KNTC1: variants seen among roughly 807,000 people sequenced by gnomAD.
The protein encoded by KNTC1 is kinetochore associated 1.
Under a neutral mutation model 314.4 loss-of-function variants are expected in KNTC1, and 253 were observed. The ratio of observed to expected loss-of-function variants is 0.80; its 90% CI spans 0.73 to 0.89. The LOEUF is 0.89. Ranked by LOEUF, KNTC1 falls within the 40% of genes least tolerant of loss-of-function variation. The pLI is 0.00. For synonymous variants in KNTC1, 901 were observed against 901.4 expected, an observed-to-expected ratio of 1.00 and a Z score of 0.01; for missense variants, 2,475 against 2,572.9, an observed-to-expected ratio of 0.96 and a Z score of 0.82.
Position 122,580,526 on chromosome 12 carries a change from T to G in KNTC1, c.2915-77T>G. 7 of 879,796 alleles carry G rather than the reference T, an allele frequency of 8.0e-6. No homozygotes were observed. The South Asian group carries it at 9.6e-5, about 12-fold the overall frequency. 54.5% of individuals were successfully genotyped at this position (879,796 alleles called of 1,614,324 possible). ...TTGAGATGAGAGAACCAAAGCTAAT[T>G]AAAATTTCTTCTTTTTAAAATTCTG... On this transcript the variant is annotated intron_variant, in intron 32 of 63. Transcript: ENST00000333479.
intron 56 of KNTC1, 29 bp downstream of exon 56, chr12:122,615,115 G>A (rs1387126071): frequency 6.7e-7 from 1 of 1,497,030 alleles, no homozygotes; most frequent in Non-Finnish European, 9.2e-7. Flanking sequence ...CCTCGACTAA[G>A]TATATTTGAA....
intron 47 of KNTC1, 24 bp from the exon 48 acceptor site, chr12:122,603,003 C>T: frequency 6.2e-7 from 1 of 1,600,434 alleles, no homozygotes; most frequent in East Asian, 2.2e-5. Flanking sequence ...TGTGCTTCAG[C>T]CATAACCTTC....
At chr12:122,541,192 CA>C (rs1215714683) in intron 5 of KNTC1, among the ~76,000 whole-genome samples, 3 of 149,630 alleles carry the variant, frequency 2.0e-5, no homozygotes, top group Non-Finnish European at 4.5e-5. Context: ...GTCTCAAAAA[CA>C]AAAAACAAAA....
intron 48 of KNTC1, among the ~76,000 whole-genome samples, chr12:122,604,296 G>A (rs2138123147): frequency 6.6e-6 from 1 of 150,732 alleles, no homozygotes. Context: ...ACAGGCATGT[G>A]CCACCATGCC....
At position 122,622,469 on chromosome 12, in the gene KNTC1, G is replaced by A. The variant is rs1234108799; in HGVS notation, c.6377G>A (p.Ser2126Asn). 1 of 1,574,094 alleles carries A rather than the reference G, an allele frequency of 6.4e-7. No individual in the cohort carries two copies. Among genetic ancestry groups the A allele is most frequent in the East Asian group, 2.3e-5 (1 of 44,324 alleles). ...QLAGFSHQIR[S>N]LILNNIINKK... ...ATACCTGTCATTCTATAGATTAGAAGTCTGATTTTGAATAATATCATCAAT... is the reference window on the plus strand; with the variant it reads ...ATACCTGTCATTCTATAGATTAGAAATCTGATTTTGAATAATATCATCAAT... Residue 2126 changes from serine to asparagine, a missense_variant, in exon 62 of 64, where the codon AGT becomes AAT. Physicochemically the swap from Ser to Asn is conservative, Grantham distance 46. Transcript: ENST00000333479.
intron 53 of KNTC1, 111 bp from the exon 54 acceptor site, chr12:122,613,001 T>A: frequency 1.4e-6 from 1 of 690,764 alleles, no homozygotes; most frequent in African/African-American, 1.8e-5. Flanking sequence ...CTGTAGAGAT[T>A]GACTTTACAT....
intron 20 of KNTC1, among the ~76,000 whole-genome samples, chr12:122,565,541 A>C (rs1247294374): frequency 6.6e-6 from 1 of 151,542 alleles, no homozygotes; most frequent in Non-Finnish European, 1.5e-5. Flanking sequence ...AAAAATTCAG[A>C]AGTTTGTATT....
rs59119964 is a variant in KNTC1 at position 122,595,632 on chromosome 12, C to T, written c.4355+1247C>T. 6.3e-3 allele frequency among the ~76,000 whole-genome samples: 954 copies of T among 152,120 alleles called. 14 individuals are homozygous for T. Among genetic ancestry groups the T allele is most frequent in the African/African-American group, 0.022 (913 of 41,468 alleles). On this transcript the variant is annotated intron_variant, in intron 43 of 63. Coordinates refer to ENST00000333479, the MANE Select transcript of KNTC1 (RefSeq NM_014708.6). ...CAAGGACTATAGGCTGCGCATAGCT[C>T]GAAGGAGCACTGACTTAAAAGAGTA...
chr12:122,591,601 C>G, intron 42 of KNTC1, 148 bp downstream of exon 42: 3 of 543,218 alleles, frequency 5.5e-6, no homozygotes, highest in Non-Finnish European at 6.5e-6. Context: ...TAGGTGCTTT[C>G]AAAGAAATAA....
rs187990410 is a variant in KNTC1, at chr12:122,571,678, A to T, written c.2019+552A>T. Among the ~76,000 whole-genome samples, 204 of 150,020 alleles carry T rather than the reference A, an allele frequency of 1.4e-3. 1 individual carries two copies. The East Asian group carries it at 0.031, about 23-fold the overall frequency. ...CCAGCCCTCTCAACCTATTATTATT[A>T]TTTTTTTTTGAGATGGAGTCTCACC... On this transcript the variant is annotated intron_variant, in intron 24 of 63. Transcript: ENST00000333479.
At chr12:122,605,477 G>A in intron 51 of KNTC1, 62 bp downstream of exon 51, 1 of 773,240 alleles carries the variant, frequency 1.3e-6, no homozygotes, top group South Asian at 1.7e-5. Context: ...TCTTCTCAAA[G>A]GCTAAATATT....
rs371126782 is a variant in KNTC1, at chr12:122,551,739, G to A, written c.1272+43G>A. 206 of 1,407,914 alleles carry A rather than the reference G, an allele frequency of 1.5e-4. 1 individual carries two copies. The African/African-American group carries it at 1.5e-3, about 10-fold the overall frequency. The allele number at this position is 1,407,914 out of a possible 1,614,324, so 87.2% of individuals were successfully genotyped here. A position where few individuals can be genotyped will look rare whatever the true frequency, so the allele number is the denominator to read the frequency against. On this transcript the variant is annotated intron_variant, in intron 16 of 63. Transcript: ENST00000333479. ...CATTTGTTCACCAAACAAGCATTTC[G>A]TCATGGGCTAGAGGCTGAGAGGACA...
chr12:122,544,802 A>G (rs1962637671), intron 8 of KNTC1, among the ~76,000 whole-genome samples: 1 of 152,144 alleles, frequency 6.6e-6, no homozygotes, highest in African/African-American at 2.4e-5. Flanking sequence ...AAAGATGTAA[A>G]TTTTTTGCCC....
chr12:122,533,498 C>T (rs1961543219), intron 2 of KNTC1, among the ~76,000 whole-genome samples: 1 of 152,042 alleles, frequency 6.6e-6, no homozygotes, highest in South Asian at 2.1e-4. Flanking sequence ...AGTTCTAGAC[C>T]AGCCTGGCCA....
intron 20 of KNTC1, among the ~76,000 whole-genome samples, chr12:122,567,143 G>A (rs1008000076): frequency 6.6e-5 from 10 of 151,636 alleles, no homozygotes; most frequent in Non-Finnish European, 1.3e-4. Context: ...ACATGATCTC[G>A]GCTCACTGCA....
At chr12:122,610,636 T>G (rs2138149323) in intron 52 of KNTC1, among the ~76,000 whole-genome samples, 186 bp from the exon 53 acceptor site, 1 of 152,330 alleles carries the variant, frequency 6.6e-6, no homozygotes, top group South Asian at 2.1e-4. Flanking sequence ...TCTTTAGCAA[T>G]GAAAGAACTC....
chr12:122,557,305 C>T, intron 16 of KNTC1, 79 bp from the exon 17 acceptor site: 1 of 1,392,916 alleles, frequency 7.2e-7, no homozygotes, highest in South Asian at 1.4e-5. Flanking sequence ...GTTTGTTTCA[C>T]TCAGCTTACT....
intron 18 of KNTC1, among the ~76,000 whole-genome samples, chr12:122,560,923 G>A (rs959107169): frequency 6.6e-6 from 1 of 152,178 alleles, no homozygotes; most frequent in Non-Finnish European, 1.5e-5. Context: ...AAGCACAGTG[G>A]CTGTAATCCC....
Position 122,557,478 on chromosome 12 carries a change from A to G in KNTC1, c.1367A>G (p.Asp456Gly), listed in dbSNP as rs1396170347. The G allele has an allele frequency of 6.2e-6, 10 of 1,613,886 alleles. No homozygotes were observed. The highest frequency in any genetic ancestry group is 5.1e-6 in the Non-Finnish European group (6 of 1,179,826). ...SEQTEWQQLV[D>G]DAKENLHKIQ... is the part of the protein sequence containing the mutation. Reference sequence around the variant, plus strand: ...CAGACCGAATGGCAACAACTTGTAGACGACGCTAAGGAAAATCTACATAAG... The same window carrying G: ...CAGACCGAATGGCAACAACTTGTAGGCGACGCTAAGGAAAATCTACATAAG... The change falls in exon 17 of 64, where the codon GAC becomes GGC. Residue 456 changes from aspartate to glycine, a missense_variant. By Grantham distance (94) the Asp-to-Gly change is moderately conservative. Coordinates refer to ENST00000333479, the MANE Select transcript of KNTC1 (RefSeq NM_014708.6).
Sources: gnomAD v4.1 joint callset for allele counts (sites outside exome capture counted in the v4.1 genomes callset) on GRCh38, gnomAD v4.1.1 for gene constraint, MANE v1.5 for transcripts, NCBI Gene and HGNC (gene_info 2026-07-23, HGNC 2026-07-21) for gene names.